Variants in HSD11B1 observed in about 807,000 individuals in gnomAD.
HSD11B1 encodes 11-beta-hydroxysteroid dehydrogenase 1.
HSD11B1 carries 15 observed loss-of-function variants against 22.1 expected under a neutral mutation model. The observed-to-expected ratio is 0.68, with a 90% CI of 0.45 to 1.04. The LOEUF (loss-of-function observed/expected upper bound fraction) is 1.04. HSD11B1 is among the 50% of genes least tolerant of loss of function. HSD11B1 has a pLI of 0.00. For missense variants in HSD11B1, 281 were observed against 357.6 expected, an observed-to-expected ratio of 0.79 and a Z score of 1.73; for synonymous variants, 122 against 125.2, an observed-to-expected ratio of 0.97 and a Z score of 0.17.
At chr1:209,731,408 C>A (rs1381171921) in intron 4 of HSD11B1, among the ~76,000 whole-genome samples, 1 of 151,968 alleles carries the variant, frequency 6.6e-6, no homozygotes, top group African/African-American at 2.4e-5. Flanking sequence ...AAATTAACAC[C>A]CATACAAGAA....
rs190222122 is a variant in HSD11B1 at position 209,699,699 on chromosome 1, A to G, written c.-48-5196A>G. Among the ~76,000 whole-genome samples the G allele has an allele frequency of 5.6e-3, 852 of 152,284 alleles. 13 individuals are homozygous for G. Among genetic ancestry groups the G allele is most frequent in the African/African-American group, 0.02 (816 of 41,538 alleles). On this transcript the variant is annotated intron_variant, in intron 1 of 6. Coordinates refer to the HSD11B1 transcript ENST00000261465. ...TTTTAACTCATTTCAGCATTAACCC[A>G]AAAGTCCACAGTCTAAAAGTCTCAT...
At chr1:209,733,884 C>A (rs990312225) in intron 5 of HSD11B1, among the ~76,000 whole-genome samples, 2 of 152,110 alleles carry the variant, frequency 1.3e-5, no homozygotes, top group African/African-American at 4.8e-5. Context: ...GTATCTCTTC[C>A]TTTTACAAGA....
At chr1:209,724,795 G>T (rs1480312474) in intron 4 of HSD11B1, among the ~76,000 whole-genome samples, 1 of 152,094 alleles carries the variant, frequency 6.6e-6, no homozygotes, top group Non-Finnish European at 1.5e-5. Context: ...AATAGAAATA[G>T]GCTTTAATTA....
chr1:209,707,625 G>A (rs2076868693), intron 4 of HSD11B1, among the ~76,000 whole-genome samples: 1 of 151,860 alleles, frequency 6.6e-6, no homozygotes, highest in African/African-American at 2.4e-5. Flanking sequence ...AAGGTAGATG[G>A]GCTACAAAAT....
chr1:209,722,756 T>A (rs1478586476), intron 4 of HSD11B1, among the ~76,000 whole-genome samples: 1 of 152,192 alleles, frequency 6.6e-6, no homozygotes, highest in Non-Finnish European at 1.5e-5. Flanking sequence ...AAATTTGGGC[T>A]CATTCATTTG....
intron 4 of HSD11B1, among the ~76,000 whole-genome samples, chr1:209,707,800 C>T (rs1025747117): frequency 3.9e-5 from 6 of 152,280 alleles, no homozygotes; most frequent in Middle Eastern, 3.4e-3. Flanking sequence ...GACTTTGCTT[C>T]CTCCATGACC....
chr1:209,697,763 A>G (rs367943512), intron 1 of HSD11B1, among the ~76,000 whole-genome samples: 18 of 152,122 alleles, frequency 1.2e-4, no homozygotes, highest in African/African-American at 3.1e-4. Flanking sequence ...TCCACACCTG[A>G]GACCATTTCT....
intron 1 of HSD11B1, among the ~76,000 whole-genome samples, chr1:209,696,214 T>A (rs1239330522): frequency 6.6e-6 from 1 of 152,206 alleles, no homozygotes; most frequent in Non-Finnish European, 1.5e-5. Flanking sequence ...AGGGAGTGAC[T>A]GTAAATGGGC....
At chr1:209,734,221 G>C in intron 5 of HSD11B1, 83 bp from the exon 6 acceptor site, 1 of 1,069,028 alleles carries the variant, frequency 9.4e-7, no homozygotes, top group Non-Finnish European at 1.4e-6. Context: ...GCCCCTGACA[G>C]CTAAGTGGTT....
chr1:209,710,401 C>A (rs974639515), intron 4 of HSD11B1, among the ~76,000 whole-genome samples: 21 of 152,202 alleles, frequency 1.4e-4, no homozygotes, highest in African/African-American at 4.8e-4. Context: ...CCCTGTCTTC[C>A]TCTGCTCCTT....
intron 1 of HSD11B1, among the ~76,000 whole-genome samples, chr1:209,697,884 C>CTTTTTTTTTTTTTGTTTTTTTTTTT (rs2076800777): frequency 2.4e-5 from 1 of 41,586 alleles, no homozygotes; most frequent in Non-Finnish European, 4.5e-5. Flanking sequence ...TTGTTTTTTC[C>CTTTTTTTTTTTTTGTTTTTTTTTTT]TTTTTTTTTT....
intron 4 of HSD11B1, among the ~76,000 whole-genome samples, chr1:209,714,863 G>T (rs1026336014): frequency 4.6e-5 from 7 of 152,194 alleles, no homozygotes; most frequent in African/African-American, 1.7e-4. Context: ...TGAGTGAGAT[G>T]AGGATGGCAT....
At chr1:209,729,913 T>C (rs2077025579) in intron 4 of HSD11B1, among the ~76,000 whole-genome samples, 1 of 152,140 alleles carries the variant, frequency 6.6e-6, no homozygotes, top group African/African-American at 2.4e-5. Context: ...AAAAAGCATT[T>C]GGTAAAATGC....
intron 1 of HSD11B1, among the ~76,000 whole-genome samples, chr1:209,694,108 G>A (rs1199185332): frequency 1.3e-5 from 2 of 152,092 alleles, no homozygotes; most frequent in East Asian, 3.9e-4. Context: ...CTCTGTCCCT[G>A]GTGGCTTCAT....
intron 1 of HSD11B1, among the ~76,000 whole-genome samples, chr1:209,690,211 T>G (rs2076751103): frequency 6.6e-6 from 1 of 152,032 alleles, no homozygotes; most frequent in Admixed American, 6.6e-5. Flanking sequence ...GAGGCTGACA[T>G]GAGAGGATTG....
At chr1:209,687,622 G>A (rs945834032) in intron 1 of HSD11B1, among the ~76,000 whole-genome samples, 1 of 152,174 alleles carries the variant, frequency 6.6e-6, no homozygotes, top group African/African-American at 2.4e-5. Context: ...CACATGTATT[G>A]TCAGTGATGG....
chr1:209,729,891 CA>C (rs2077025374), intron 4 of HSD11B1, among the ~76,000 whole-genome samples: 1 of 152,146 alleles, frequency 6.6e-6, no homozygotes, highest in Non-Finnish European at 1.5e-5. Flanking sequence ...ATAATCATTT[CA>C]GTAGATGATG....
chr1:209,692,649 G>A (rs1349166418), intron 1 of HSD11B1, among the ~76,000 whole-genome samples: 1 of 139,324 alleles, frequency 7.2e-6, no homozygotes, highest in African/African-American at 2.7e-5. Context: ...AATTGACTTA[G>A]CAGGATTCTT....
chr1:209,697,523 G>A lies in HSD11B1; in HGVS notation c.-48-7372G>A, dbSNP rs547898124. Among the ~76,000 whole-genome samples the A allele has an allele frequency of 3.3e-4, 50 of 152,144 alleles. 1 individual carries two copies. In the South Asian group the frequency reaches 9.3e-3, roughly 28 times the overall value. On this transcript the variant is annotated intron_variant, in intron 1 of 6. Coordinates refer to the HSD11B1 transcript ENST00000261465. Reference sequence around the variant, plus strand: ...TCTTACACATTTCATTTATTTCCACGTCTTCTTCTTCTAGGGCATGGAGAG... The same window carrying A: ...TCTTACACATTTCATTTATTTCCACATCTTCTTCTTCTAGGGCATGGAGAG...
Sources: allele counts gnomAD v4.1 joint callset (sites outside exome capture counted in the v4.1 genomes callset), GRCh38; gene constraint gnomAD v4.1.1; transcripts MANE v1.5; gene names NCBI Gene and HGNC (gene_info 2026-07-23, HGNC 2026-07-21).